ITM2B: variants seen among roughly 807,000 people sequenced by gnomAD.
The protein encoded by ITM2B is ABri/ADan amyloid peptide.
In ITM2B, 11 loss-of-function variants were observed where a neutral mutation model predicts 27.8. That is an observed-to-expected ratio of 0.40 (90% confidence interval 0.25 to 0.66). The LOEUF (loss-of-function observed/expected upper bound fraction) is 0.66, where lower values mean the gene tolerates loss of function less well. Among genes scored for constraint, ITM2B ranks in the 30% least tolerant of loss-of-function variants. ITM2B has a pLI of 0.43. For synonymous variants in ITM2B, 114 were observed against 114.3 expected, an observed-to-expected ratio of 1.00 and a Z score of 0.02; for missense variants, 296 against 328.9, an observed-to-expected ratio of 0.90 and a Z score of 0.77.
At position 48,237,510 on chromosome 13, in the gene ITM2B, A is replaced by G. The variant is rs9332254; in HGVS notation, c.117+4033A>G. Reference sequence around the variant, plus strand: ...AACTAGACAGAAATGAGTATAATATACTTGGCATAATAAGCCTGAGTGACC... The same window carrying G: ...AACTAGACAGAAATGAGTATAATATGCTTGGCATAATAAGCCTGAGTGACC... On this transcript the variant is annotated intron_variant, in intron 1 of 5. Coordinates refer to ENST00000647800, the MANE Select transcript of ITM2B (RefSeq NM_021999.5). Among the ~76,000 whole-genome samples, 3 of 152,346 alleles carry G rather than the reference A, an allele frequency of 2.0e-5. No homozygotes were observed. In the East Asian group the frequency reaches 5.8e-4, roughly 29 times the overall value.
chr13:48,244,690 A>G (rs905445334), intron 1 of ITM2B, among the ~76,000 whole-genome samples: 10 of 152,354 alleles, frequency 6.6e-5, no homozygotes, highest in Admixed American at 5.2e-4. Context: ...CAGCATTTAT[A>G]TAAAAGTGAG....
rs528817179 is a variant in ITM2B at position 48,253,870 on chromosome 13, A to G, written c.180A>G (p.Gly60=). ...CCTGGTGTTGGTGCATGTGCTTTGG[A>G]CTAGCATTTATGCTTGCAGGTGTTA... The part of the protein sequence containing the change: ...RRAWCWCMCF[G]LAFMLAGVIL... Residue 60 remains glycine (G), a synonymous_variant, in exon 2 of 6, where the codon GGA becomes GGG. Coordinates refer to ENST00000647800, the MANE Select transcript of ITM2B (RefSeq NM_021999.5). 1.2e-6 allele frequency: 2 copies of G among 1,613,820 alleles called. No individual in the cohort carries two copies. Among genetic ancestry groups the G allele is most frequent in the South Asian group, 1.1e-5 (1 of 91,074 alleles).
chr13:48,257,643 T>C (rs1473949877), intron 3 of ITM2B, among the ~76,000 whole-genome samples: 1 of 152,212 alleles, frequency 6.6e-6, no homozygotes, highest in East Asian at 1.9e-4. Context: ...TAAGTTATTC[T>C]TAAAAACCGT....
intron 1 of ITM2B, among the ~76,000 whole-genome samples, chr13:48,238,758 C>G (rs1355905073): frequency 6.6e-6 from 1 of 152,036 alleles, no homozygotes; most frequent in Non-Finnish European, 1.5e-5. Context: ...GAATTTCATA[C>G]TTTAAAAAAC....
intron 1 of ITM2B, among the ~76,000 whole-genome samples, chr13:48,250,394 T>C (rs1005091426): frequency 1.3e-5 from 2 of 151,696 alleles, no homozygotes; most frequent in African/African-American, 4.8e-5. Context: ...CCGAGGCGGG[T>C]GAATCACGAG....
chr13:48,264,644 G>A lies in ITM2B; in HGVS notation c.*3420G>A, dbSNP rs933601117. ...CTAATCTTTGCATGTTTAACTCTTT[G>A]GGACTTAGGTTCCTAGATAAGGACT... On this transcript the variant is annotated 3_prime_UTR_variant, in exon 6 of 6. Transcript: ENST00000647800. 26 of 152,010 alleles carry A rather than the reference G, an allele frequency of 1.7e-4. No homozygotes were observed. The highest frequency in any genetic ancestry group is 5.2e-4 in the Admixed American group (8 of 15,262). The allele number at this position is 152,010 out of a possible 1,614,324, so 9.4% of individuals were successfully genotyped here. A position where few individuals can be genotyped will look rare whatever the true frequency, so the allele number is the denominator to read the frequency against.
rs1951829098 is a variant in ITM2B at position 48,262,610 on chromosome 13, T to G, written c.*1386T>G. ...TGAATTTTCAGGGAGCTGTGAACATTTAGGAGCACATTATTCATTCAGCAT... is the reference window on the plus strand; with the variant it reads ...TGAATTTTCAGGGAGCTGTGAACATGTAGGAGCACATTATTCATTCAGCAT... On this transcript the variant is annotated 3_prime_UTR_variant, in exon 6 of 6. Transcript: ENST00000647800. 6.6e-6 allele frequency: 1 copy of G among 152,160 alleles called. No homozygotes were observed. The highest frequency in any genetic ancestry group is 1.5e-5 in the Non-Finnish European group (1 of 68,014). 9.4% of individuals were successfully genotyped at this position (152,160 alleles called of 1,614,324 possible).
At chr13:48,256,065 C>T (rs1951785452) in intron 2 of ITM2B, 112 bp from the exon 3 acceptor site, 2 of 771,376 alleles carry the variant, frequency 2.6e-6, no homozygotes, top group African/African-American at 3.4e-5. Context: ...CATCTAAAAG[C>T]AAGAGTTTGC....
intron 1 of ITM2B, among the ~76,000 whole-genome samples, chr13:48,245,230 G>A (rs1434579831): frequency 6.6e-6 from 1 of 152,046 alleles, no homozygotes; most frequent in African/African-American, 2.4e-5. Flanking sequence ...GAAGGCTGAG[G>A]CAGGAAAATT....
chr13:48,251,453 A>G (rs1951755898), intron 1 of ITM2B, among the ~76,000 whole-genome samples: 1 of 152,188 alleles, frequency 6.6e-6, no homozygotes, highest in East Asian at 1.9e-4. Flanking sequence ...CTGATCTAAC[A>G]GGTCTCTTTC....
chr13:48,246,946 A>G (rs1159775944), intron 1 of ITM2B, among the ~76,000 whole-genome samples: 1 of 152,200 alleles, frequency 6.6e-6, no homozygotes, highest in Non-Finnish European at 1.5e-5. Context: ...CTCGTGCCTC[A>G]GCCTCCCGAG....
intron 2 of ITM2B, among the ~76,000 whole-genome samples, chr13:48,254,623 A>G (rs1026539565): frequency 1.3e-5 from 2 of 152,034 alleles, no homozygotes; most frequent in African/African-American, 4.8e-5. Flanking sequence ...TCAAGGTTTT[A>G]TGACTACTTC....
intron 3 of ITM2B, among the ~76,000 whole-genome samples, chr13:48,257,311 A>G (rs1951795608): frequency 1.3e-5 from 2 of 152,156 alleles, no homozygotes; most frequent in Admixed American, 1.3e-4. Flanking sequence ...ATATGTTTAC[A>G]TTTCTGTTTA....
chr13:48,248,972 G>A (rs1342120339), intron 1 of ITM2B, among the ~76,000 whole-genome samples: 1 of 152,102 alleles, frequency 6.6e-6, no homozygotes, highest in Non-Finnish European at 1.5e-5. Context: ...TGGTAGACAG[G>A]AACTCAGTTG....
At position 48,269,280 on chromosome 13, in the gene ITM2B, T is replaced by G. The variant is rs1036342483; in HGVS notation, c.*8056T>G. ...CAGAATTCAGCCGCTTCTCACTGTC[T>G]CTACTGCTAACATAGTAGTCAAAGC... On this transcript the variant is annotated 3_prime_UTR_variant, in exon 6 of 6. Coordinates refer to ENST00000647800, the MANE Select transcript of ITM2B (RefSeq NM_021999.5). 1.3e-5 allele frequency: 2 copies of G among 152,228 alleles called. No individual in the cohort carries two copies. The highest frequency in any genetic ancestry group is 2.9e-5 in the Non-Finnish European group (2 of 68,056). The allele number at this position is 152,228 out of a possible 1,614,324, so 9.4% of individuals were successfully genotyped here.
At chr13:48,254,055 C>T (rs1951771635) in intron 2 of ITM2B, 119 bp downstream of exon 2, 2 of 934,840 alleles carry the variant, frequency 2.1e-6, no homozygotes, top group Non-Finnish European at 3.4e-6. Flanking sequence ...TGACCTTCAG[C>T]CAGAGTGGTA....
Position 48,266,201 on chromosome 13 carries a change from A to C in ITM2B, c.*4977A>C, listed in dbSNP as rs1269865712. 6.6e-6 allele frequency: 1 copy of C among 152,164 alleles called. No individual in the cohort carries two copies. The highest frequency in any genetic ancestry group is 1.5e-5 in the Non-Finnish European group (1 of 68,064). The allele number at this position is 152,164 out of a possible 1,614,324, so 9.4% of individuals were successfully genotyped here. A position where few individuals can be genotyped will look rare whatever the true frequency, so the allele number is the denominator to read the frequency against. ...CACTTAAGAGAAAATCCTTTTTTCAAGCCCTAAAATCCTGCCCTCACTAGA... is the reference window on the plus strand; with the variant it reads ...CACTTAAGAGAAAATCCTTTTTTCACGCCCTAAAATCCTGCCCTCACTAGA... On this transcript the variant is annotated 3_prime_UTR_variant, in exon 6 of 6. Transcript: ENST00000647800.
intron 1 of ITM2B, among the ~76,000 whole-genome samples, chr13:48,238,008 T>C (rs1951678332): frequency 6.6e-6 from 1 of 152,196 alleles, no homozygotes; most frequent in Non-Finnish European, 1.5e-5. Flanking sequence ...TTAAGGACTT[T>C]AGACCGTTAC....
intron 1 of ITM2B, among the ~76,000 whole-genome samples, chr13:48,246,053 C>G (rs1314313488): frequency 2.0e-5 from 3 of 152,246 alleles, no homozygotes; most frequent in African/African-American, 7.2e-5. Context: ...GTTGGGATTA[C>G]AGGCGTGAGC....
Sources: allele counts gnomAD v4.1 joint callset (sites outside exome capture counted in the v4.1 genomes callset), GRCh38; gene constraint gnomAD v4.1.1; transcripts MANE v1.5; gene names NCBI Gene and HGNC (gene_info 2026-07-23, HGNC 2026-07-21).